The following DGKB variants were observed in gnomAD, a reference collection of about 807,000 sequenced individuals.
DGKB encodes 90 kDa diacylglycerol kinase.
Under a neutral mutation model 114.3 loss-of-function variants are expected in DGKB, and 67 were observed. The ratio of observed to expected loss-of-function variants is 0.59; its 90% CI spans 0.48 to 0.72. The LOEUF (loss-of-function observed/expected upper bound fraction) is 0.72, where lower values mean the gene tolerates loss of function less well. Among genes scored for constraint, DGKB ranks in the 30% least tolerant of loss-of-function variants. The pLI is 0.00. For synonymous variants in DGKB, 398 were observed against 323.1 expected, an observed-to-expected ratio of 1.23 and a Z score of -2.49; for missense variants, 907 against 975.2, an observed-to-expected ratio of 0.93 and a Z score of 0.93.
At chr7:14,224,497 C>T (rs1229738079) in intron 23 of DGKB, among the ~76,000 whole-genome samples, 2 of 152,002 alleles carry the variant, frequency 1.3e-5, no homozygotes, top group Non-Finnish European at 2.9e-5. Context: ...CTTGCAATCA[C>T]AGGTAGTTTC....
intron 1 of DGKB, among the ~76,000 whole-genome samples, chr7:14,865,275 A>G (rs1401916372): frequency 1.3e-5 from 2 of 152,174 alleles, no homozygotes; most frequent in African/African-American, 4.8e-5. Flanking sequence ...CTTTTCTCCT[A>G]CTACATTTCC....
chr7:14,526,153 A>T (rs1211362498), intron 20 of DGKB, among the ~76,000 whole-genome samples: 1 of 152,184 alleles, frequency 6.6e-6, no homozygotes, highest in African/African-American at 2.4e-5. Flanking sequence ...CATGTGATTA[A>T]TTATATACTA....
intron 12 of DGKB, among the ~76,000 whole-genome samples, chr7:14,679,139 C>G (rs1271223696): frequency 2.6e-5 from 4 of 151,906 alleles, no homozygotes; most frequent in African/African-American, 9.7e-5. Flanking sequence ...CATCCTTCTA[C>G]AGGAGAGAGA....
intron 1 of DGKB, chr7:14,974,636 G>A (rs1024647263): frequency 1.3e-5 from 2 of 152,004 alleles, no homozygotes; most frequent in African/African-American, 4.8e-5. Context: ...ATAAAACCAT[G>A]CTTCCCTTTT....
chr7:14,190,647 A>G (rs1333639208), intron 23 of DGKB: 1 of 152,112 alleles, frequency 6.6e-6, no homozygotes, highest in South Asian at 2.1e-4. Flanking sequence ...TCAATAAACC[A>G]CAAGCTAGGC....
intron 23 of DGKB, among the ~76,000 whole-genome samples, chr7:14,311,733 T>A (rs1011075492): frequency 4.6e-5 from 7 of 152,224 alleles, no homozygotes; most frequent in Admixed American, 2.0e-4. Flanking sequence ...GTCATTTTTT[T>A]AATCTTTATT....
intron 13 of DGKB, among the ~76,000 whole-genome samples, chr7:14,670,300 T>TAC (rs1458331306): frequency 1.1e-4 from 16 of 145,808 alleles, no homozygotes; most frequent in Non-Finnish European, 1.8e-4. Flanking sequence ...TATATATATA[T>TAC]ACACACACAC....
chr7:14,542,732 T>C (rs1368494332), intron 20 of DGKB, among the ~76,000 whole-genome samples: 2 of 152,174 alleles, frequency 1.3e-5, no homozygotes, highest in African/African-American at 2.4e-5. Flanking sequence ...CTGCCTGAGA[T>C]TTTTAACCAT....
intron 4 of DGKB, among the ~76,000 whole-genome samples, chr7:14,739,787 C>T (rs1177803379): frequency 3.9e-5 from 6 of 152,184 alleles, no homozygotes; most frequent in African/African-American, 1.4e-4. Flanking sequence ...TCAGTCCAAC[C>T]CAGTCTTTGC....
chr7:14,943,594 T>A (rs1250725913), intron 1 of DGKB, among the ~76,000 whole-genome samples: 1 of 151,768 alleles, frequency 6.6e-6, no homozygotes, highest in Non-Finnish European at 1.5e-5. Context: ...GCCAGACATT[T>A]GTTATAAAGA....
intron 20 of DGKB, among the ~76,000 whole-genome samples, chr7:14,530,301 T>C (rs1791364842): frequency 6.6e-6 from 1 of 151,584 alleles, no homozygotes; most frequent in African/African-American, 2.4e-5. Context: ...ATGTTCTGAG[T>C]TATGCCTTTG....
At chr7:14,644,816 T>C (rs890480619) in intron 13 of DGKB, among the ~76,000 whole-genome samples, 4 of 152,156 alleles carry the variant, frequency 2.6e-5, no homozygotes, top group Non-Finnish European at 4.4e-5. Context: ...TCCTATGTCT[T>C]GGGAGATAAA....
intron 23 of DGKB, among the ~76,000 whole-genome samples, chr7:14,276,380 A>T (rs150307479): frequency 6.6e-6 from 1 of 152,214 alleles, no homozygotes. Context: ...CAATAAAGAC[A>T]TGATAAAATA....
chr7:14,416,335 G>A (rs1015506845), intron 21 of DGKB, among the ~76,000 whole-genome samples: 2 of 151,952 alleles, frequency 1.3e-5, no homozygotes, highest in Admixed American at 6.6e-5. Context: ...ATTTTGGAAG[G>A]TAAGAGGATG....
At chr7:14,264,692 A>G (rs1431354173) in intron 23 of DGKB, among the ~76,000 whole-genome samples, 2 of 152,158 alleles carry the variant, frequency 1.3e-5, no homozygotes, top group African/African-American at 4.8e-5. Flanking sequence ...ACACAGAAAG[A>G]AAGAGAGGTC....
At position 14,379,043 on chromosome 7, in the gene DGKB, A is replaced by AT. The variant is rs35165827; in HGVS notation, c.1836-33653dup. On this transcript the variant is annotated intron_variant, in intron 21 of 25. Coordinates refer to ENST00000402815, the MANE Select transcript of DGKB (RefSeq NM_001350709.2). The stretch of plus-strand genomic sequence containing the variant: ...AATGTCATCTGAGGAAAAAAATCTC[A>AT]TTTTTTTTTTCAGTTTTTACCAACA... 4.4e-3 allele frequency among the ~76,000 whole-genome samples: 651 copies of AT among 149,652 alleles called. 3 individuals are homozygous for AT. Among genetic ancestry groups the AT allele is most frequent in the Middle Eastern group, 0.028 (8 of 286 alleles).
intron 20 of DGKB, among the ~76,000 whole-genome samples, chr7:14,539,539 A>G (rs974683640): frequency 1.3e-5 from 2 of 152,168 alleles, no homozygotes; most frequent in African/African-American, 4.8e-5. Context: ...TATGCAAATT[A>G]TATTTCCTAA....
chr7:14,920,266 C>T (rs1237776919), intron 1 of DGKB, among the ~76,000 whole-genome samples: 1 of 152,052 alleles, frequency 6.6e-6, no homozygotes, highest in African/African-American at 2.4e-5. Flanking sequence ...TCTGATAATG[C>T]ACTTTTAGTA....
intron 23 of DGKB, among the ~76,000 whole-genome samples, chr7:14,292,720 C>T (rs1562858593): frequency 1.3e-5 from 2 of 152,164 alleles, no homozygotes; most frequent in Non-Finnish European, 2.9e-5. Flanking sequence ...AACCTATCTG[C>T]ACTTACAGAG....
Sources: allele counts gnomAD v4.1 joint callset (sites outside exome capture counted in the v4.1 genomes callset), GRCh38; gene constraint gnomAD v4.1.1; transcripts MANE v1.5; gene names NCBI Gene and HGNC (gene_info 2026-07-23, HGNC 2026-07-21).